PARP8: variants seen among roughly 807,000 people sequenced by gnomAD.
The protein encoded by PARP8 is poly(ADP-ribose) polymerase family member 8.
A neutral mutation model predicts 124.1 loss-of-function variants in PARP8; 51 were observed. That is an observed-to-expected ratio of 0.41 (90% confidence interval 0.33 to 0.52). The LOEUF is 0.52. Among genes scored for constraint, PARP8 ranks in the 20% least tolerant of loss-of-function variants. The probability of loss-of-function intolerance (pLI) is 0.21; values close to 1 mark genes in which losing one functional copy is unlikely to be tolerated. For missense variants in PARP8, 860 were observed against 1,018.9 expected, an observed-to-expected ratio of 0.84 and a Z score of 2.12; for synonymous variants, 391 against 361.5, an observed-to-expected ratio of 1.08 and a Z score of -0.93.
intron 2 of PARP8, among the ~76,000 whole-genome samples, chr5:50,689,931 T>C (rs1220804763): frequency 2.0e-5 from 3 of 152,212 alleles, no homozygotes; most frequent in African/African-American, 7.2e-5. Context: ...AACATTCCAC[T>C]GTACCTCACG....
intron 7 of PARP8, among the ~76,000 whole-genome samples, chr5:50,772,532 G>T (rs1374607316): frequency 6.6e-6 from 1 of 151,902 alleles, no homozygotes. Flanking sequence ...TAATCTTTTT[G>T]CTAACAGCCA....
intron 14 of PARP8, among the ~76,000 whole-genome samples, chr5:50,813,058 A>T (rs1347636827): frequency 6.6e-6 from 1 of 152,092 alleles, no homozygotes; most frequent in Non-Finnish European, 1.5e-5. Context: ...TTAGCTTAGG[A>T]TTGTCTTAAC....
intron 2 of PARP8, among the ~76,000 whole-genome samples, chr5:50,671,391 T>C (rs1749992750): frequency 6.6e-6 from 1 of 152,094 alleles, no homozygotes. Flanking sequence ...TGGAGCCCAG[T>C]GGGCCTGGCC....
rs138234982 is a variant in PARP8, at chr5:50,818,332, G to A, written c.1668+2808G>A. 6.6e-3 allele frequency among the ~76,000 whole-genome samples: 1,008 copies of A among 152,096 alleles called. 6 individuals are homozygous for A. Among genetic ancestry groups the A allele is most frequent in the Non-Finnish European group, 8.7e-3 (590 of 67,986 alleles). ...TAACCTCTGCCTCATGGGTTCAAGC[G>A]ATTCTCCTGCCTCAGCCTCTCTAGT... On this transcript the variant is annotated intron_variant, in intron 15 of 25. Transcript: ENST00000281631.
chr5:50,675,638 C>T (rs1192868388), intron 2 of PARP8, among the ~76,000 whole-genome samples: 2 of 152,194 alleles, frequency 1.3e-5, no homozygotes, highest in African/African-American at 4.8e-5. Flanking sequence ...AAAACAAGTA[C>T]AGGTTGTTAT....
intron 2 of PARP8, among the ~76,000 whole-genome samples, chr5:50,715,548 C>A (rs1464586336): frequency 6.6e-6 from 1 of 151,250 alleles, no homozygotes; most frequent in Non-Finnish European, 1.5e-5. Context: ...ATAAAGATGA[C>A]CAAAATTGGT....
At chr5:50,817,356 T>G (rs1745217568) in intron 15 of PARP8, among the ~76,000 whole-genome samples, 1 of 152,188 alleles carries the variant, frequency 6.6e-6, no homozygotes, top group Admixed American at 6.5e-5. Context: ...AGACAGCATT[T>G]TTTTCATACT....
intron 15 of PARP8, 102 bp from the exon 16 acceptor site, chr5:50,821,110 CT>C: frequency 7.3e-7 from 1 of 1,364,558 alleles, no homozygotes; most frequent in Non-Finnish European, 1.0e-6. Flanking sequence ...GGTAGCAGTC[CT>C]GATCTTCCTC....
Position 50,812,251 on chromosome 5 carries a change from C to T in PARP8, c.1576-3181C>T, listed in dbSNP as rs574003057. Among the ~76,000 whole-genome samples, 135 of 152,278 alleles carry T rather than the reference C, an allele frequency of 8.9e-4. 1 individual carries two copies. Among genetic ancestry groups the T allele is most frequent in the African/African-American group, 3.2e-3 (131 of 41,582 alleles). The stretch of plus-strand genomic sequence containing the variant: ...CAGTTTCTTCACATCCTCTCCAGCA[C>T]CTGTTGTTTCCTGACTTTTTAATGA... On this transcript the variant is annotated intron_variant, in intron 14 of 25. Transcript: ENST00000281631.
In PARP8 at chr5:50,685,043, A is replaced by G. The variant is rs115762634; in HGVS notation, c.146+16918A>G. ...TTTTTAAAGAAATGCAGATTTTATG[A>G]TATTCCTGATCATTCTCTTTGCATT... is the stretch of plus-strand genomic sequence containing the variant. On this transcript the variant is annotated intron_variant, in intron 2 of 25. Coordinates refer to ENST00000281631, the MANE Select transcript of PARP8 (RefSeq NM_024615.4). Among the ~76,000 whole-genome samples the G allele has an allele frequency of 3.7e-3, 566 of 152,254 alleles. 2 individuals are homozygous for G. Among genetic ancestry groups the G allele is most frequent in the African/African-American group, 0.013 (521 of 41,540 alleles).
chr5:50,811,421 G>C (rs1237553602), intron 14 of PARP8, among the ~76,000 whole-genome samples: 1 of 151,992 alleles, frequency 6.6e-6, no homozygotes, highest in Non-Finnish European at 1.5e-5. Flanking sequence ...TTGCGACAAA[G>C]TCAGAATGAC....
Position 50,747,142 on chromosome 5 carries a change from T to G in PARP8, c.147-3009T>G, listed in dbSNP as rs1209044266. Among the ~76,000 whole-genome samples the G allele has an allele frequency of 3.9e-5, 4 of 101,536 alleles. No individual in the cohort carries two copies. In the East Asian group the frequency reaches 1.3e-3, roughly 33 times the overall value. 66.6% of individuals were successfully genotyped at this position (101,536 alleles called of 152,430 possible). A position where few individuals can be genotyped will look rare whatever the true frequency, so the allele number is the denominator to read the frequency against. ...TACTCATCTACTTATTCAGTTATGGTTTTTTTTGTTTGTTTGTTTTGTTTT... is the reference window on the plus strand; with the variant it reads ...TACTCATCTACTTATTCAGTTATGGGTTTTTTTGTTTGTTTGTTTTGTTTT... On this transcript the variant is annotated intron_variant, in intron 2 of 25. Transcript: ENST00000281631.
chr5:50,682,267 A>G (rs1426691155), intron 2 of PARP8, among the ~76,000 whole-genome samples: 1 of 152,168 alleles, frequency 6.6e-6, no homozygotes, highest in Non-Finnish European at 1.5e-5. Context: ...AGCGTGAATC[A>G]ATACACCTTG....
At chr5:50,726,895 T>A (rs1005116805) in intron 2 of PARP8, among the ~76,000 whole-genome samples, 31 of 152,198 alleles carry the variant, frequency 2.0e-4, no homozygotes, top group African/African-American at 7.2e-4. Flanking sequence ...GAATAACACA[T>A]CTCTCTGTTT....
At chr5:50,796,785 A>G (rs755084112) in intron 12 of PARP8, among the ~76,000 whole-genome samples, 197 bp from the exon 13 acceptor site, 3 of 152,318 alleles carry the variant, frequency 2.0e-5, no homozygotes, top group Non-Finnish European at 4.4e-5. Context: ...CAAAAATTGC[A>G]TTAGTAATGG....
chr5:50,686,579 T>G lies in PARP8; in HGVS notation c.146+18454T>G, dbSNP rs1428055934. ...TCTGTGTGGGGGCTCTGACCCCACA[T>G]TTCCCTTCCACACTGCCCTAGCAGA... On this transcript the variant is annotated intron_variant, in intron 2 of 25. Coordinates refer to ENST00000281631, the MANE Select transcript of PARP8 (RefSeq NM_024615.4). Among the ~76,000 whole-genome samples, 3 of 152,220 alleles carry G rather than the reference T, an allele frequency of 2.0e-5. No homozygotes were observed. The East Asian group carries it at 5.8e-4, about 29-fold the overall frequency.
chr5:50,833,981 A>C lies in PARP8; in HGVS notation c.2310A>C (p.Ser770=). The part of the protein sequence containing the change: ...SSSKSSNTSQ[S]QKKGQQSQFL... ...TTTTAATTGTTTTTGGAATTTAGTC[A>C]CAGAAAAAAGGACAGCAATCCCAAT... is the stretch of plus-strand genomic sequence containing the variant. Residue 770 remains serine, a splice_region_variant and synonymous_variant, in exon 24 of 26, where the codon TCA becomes TCC. Transcript: ENST00000281631. 1 of 1,611,648 alleles carries C rather than the reference A, an allele frequency of 6.2e-7. No homozygotes were observed. Among genetic ancestry groups the C allele is most frequent in the Non-Finnish European group, 8.5e-7 (1 of 1,178,338 alleles).
chr5:50,767,192 A>C (rs1239049952), intron 7 of PARP8, among the ~76,000 whole-genome samples: 1 of 152,126 alleles, frequency 6.6e-6, no homozygotes, highest in Non-Finnish European at 1.5e-5. Context: ...ATAAGGTAGG[A>C]GTGAGATAGA....
intron 2 of PARP8, among the ~76,000 whole-genome samples, chr5:50,703,843 C>T (rs1383201793): frequency 1.3e-5 from 2 of 151,194 alleles, no homozygotes; most frequent in Non-Finnish European, 2.9e-5. Flanking sequence ...CCCAGGAGGT[C>T]GAGGCTGCAG....
Sources: allele counts gnomAD v4.1 joint callset (sites outside exome capture counted in the v4.1 genomes callset), GRCh38; gene constraint gnomAD v4.1.1; transcripts MANE v1.5; gene names NCBI Gene and HGNC (gene_info 2026-07-23, HGNC 2026-07-21).